Variants in BIRC3 observed in about 807,000 individuals in gnomAD.
The protein encoded by BIRC3 is baculoviral IAP repeat containing 3, also known as baculoviral IAP repeat-containing protein 3.
In BIRC3, 26 loss-of-function variants were observed where a neutral mutation model predicts 59.0. The ratio of observed to expected loss-of-function variants is 0.44; its 90% confidence interval spans 0.32 to 0.61. BIRC3 has a LOEUF of 0.61. Among genes scored for constraint, BIRC3 ranks in the 20% least tolerant of loss-of-function variants. The pLI, the probability that BIRC3 is intolerant of heterozygous loss-of-function variation, is 0.04. For missense variants in BIRC3, 641 were observed against 711.5 expected, an observed-to-expected ratio of 0.90 and a Z score of 1.13; for synonymous variants, 243 against 249.2, an observed-to-expected ratio of 0.98 and a Z score of 0.24.
At chr11:102,317,890 C>T (rs1292003736) in intron 1 of BIRC3, among the ~76,000 whole-genome samples, 2 of 152,264 alleles carry the variant, frequency 1.3e-5, no homozygotes, top group African/African-American at 2.4e-5. Context: ...TTTGCAGGTG[C>T]CAAATAAATT....
At chr11:102,331,269 T>A (rs2135789201) in intron 6 of BIRC3, 28 bp downstream of exon 6, 1 of 1,574,836 alleles carries the variant, frequency 6.3e-7, no homozygotes, top group East Asian at 2.3e-5. Flanking sequence ...TACAGTCTAT[T>A]TTCATAAGGA....
chr11:102,318,776 A>G (rs1323987294), intron 1 of BIRC3, among the ~76,000 whole-genome samples: 1 of 152,182 alleles, frequency 6.6e-6, no homozygotes, highest in East Asian at 1.9e-4. Context: ...GAATCCCAAG[A>G]GCTTGGTATC....
chr11:102,325,066 C>A lies in BIRC3; in HGVS notation c.557C>A (p.Pro186Gln). Residue 186 changes from proline (P) to glutamine (Q), a missense_variant, in exon 2 of 9, where the codon CCA becomes CAA. Coordinates refer to ENST00000263464, the MANE Select transcript of BIRC3 (RefSeq NM_001165.5). ...ACATGGCCATTGACTTTTCTGTCGC[C>A]AACAGATCTGGCAAAAGCAGGCTTT... Reference protein sequence around the residue: ...FQTWPLTFLSPTDLAKAGFYY... With the variant: ...FQTWPLTFLSQTDLAKAGFYY... 8 of 1,614,128 alleles carry A rather than the reference C, an allele frequency of 5.0e-6. No homozygotes were observed. Among genetic ancestry groups the A allele is most frequent in the Non-Finnish European group, 6.8e-6 (8 of 1,180,024 alleles).
At chr11:102,336,275 C>G (rs879848836) in intron 7 of BIRC3, 55 bp downstream of exon 7, 28 of 1,493,924 alleles carry the variant, frequency 1.9e-5, no homozygotes, top group African/African-American at 2.8e-5. Flanking sequence ...AAAATACGCT[C>G]TTATTAATAA....
intron 3 of BIRC3, 114 bp downstream of exon 3, chr11:102,325,679 T>C (rs1441065849): frequency 3.8e-6 from 4 of 1,042,910 alleles, no homozygotes; most frequent in Non-Finnish European, 5.5e-6. Flanking sequence ...TATTTGTGAA[T>C]AAGTTTAGGA....
At position 102,337,471 on chromosome 11, in the gene BIRC3, G is replaced by A. The variant is rs1232408187; in HGVS notation, c.*369G>A. 1 of 396,982 alleles carries A rather than the reference G, an allele frequency of 2.5e-6. No individual in the cohort carries two copies. Among genetic ancestry groups the A allele is most frequent in the Non-Finnish European group, 4.4e-6 (1 of 225,340 alleles). 24.6% of individuals were successfully genotyped at this position (396,982 alleles called of 1,614,324 possible). A position where few individuals can be genotyped will look rare whatever the true frequency, so the allele number is the denominator to read the frequency against. ...CGGGAACATGAAGCCAGGTGTGGTG[G>A]TATGTGCCTGTAGTCCCAGGCTGAG... On this transcript the variant is annotated 3_prime_UTR_variant, in exon 9 of 9. Coordinates refer to ENST00000263464, the MANE Select transcript of BIRC3 (RefSeq NM_001165.5).
rs182073869 is a variant in BIRC3 at position 102,335,793 on chromosome 11, A to G, written c.1325-173A>G. Among the ~76,000 whole-genome samples the G allele has an allele frequency of 1.4e-4, 21 of 152,272 alleles. No homozygotes were observed. In the East Asian group the frequency reaches 3.9e-3, roughly 28 times the overall value. On this transcript the variant is annotated intron_variant, in intron 6 of 8. Coordinates refer to ENST00000263464, the MANE Select transcript of BIRC3 (RefSeq NM_001165.5). ...CACTGCACCCTGGATTATAATTATAATAACATTATTATTAAGCAAAGGAGA... is the reference window on the plus strand; with the variant it reads ...CACTGCACCCTGGATTATAATTATAGTAACATTATTATTAAGCAAAGGAGA...
intron 3 of BIRC3, among the ~76,000 whole-genome samples, chr11:102,325,945 G>A (rs995421366): frequency 2.0e-5 from 3 of 151,976 alleles, no homozygotes; most frequent in African/African-American, 4.8e-5. Flanking sequence ...AGAAATAAAT[G>A]TATATGATAC....
rs1951064210 is a variant in BIRC3, at chr11:102,324,761, A to G, written c.252A>G (p.Glu84=). 2.5e-6 allele frequency: 4 copies of G among 1,614,186 alleles called. No homozygotes were observed. In the South Asian group the frequency reaches 4.4e-5, roughly 18 times the overall value. The change falls in exon 2 of 9, where the codon GAA becomes GAG. Residue 84 remains glutamate, a synonymous_variant. Transcript: ENST00000263464. ...DNWKRGDSPT[E]KHKKLYPSCR... is the part of the protein sequence containing the mutation. ...GGAAAAGAGGAGACAGTCCTACTGA[A>G]AAGCATAAAAAGTTGTATCCTAGCT...
At chr11:102,329,843 G>T (rs909866786) in intron 5 of BIRC3, among the ~76,000 whole-genome samples, 1 of 152,020 alleles carries the variant, frequency 6.6e-6, no homozygotes, top group Non-Finnish European at 1.5e-5. Context: ...GTTAAATGAC[G>T]AGTTAACGGG....
intron 1 of BIRC3, among the ~76,000 whole-genome samples, chr11:102,318,103 T>A: frequency 6.6e-6 from 1 of 152,338 alleles, no homozygotes; most frequent in African/African-American, 2.4e-5. Flanking sequence ...GTAACAATAA[T>A]ATTAAATATT....
intron 4 of BIRC3, 130 bp downstream of exon 4, chr11:102,328,260 C>G: frequency 1.4e-6 from 1 of 712,962 alleles, no homozygotes; most frequent in Non-Finnish European, 2.3e-6. Flanking sequence ...CTTATCAAAC[C>G]TGACATGATT....
At chr11:102,326,047 T>C (rs1951077234) in intron 3 of BIRC3, among the ~76,000 whole-genome samples, 1 of 152,178 alleles carries the variant, frequency 6.6e-6, no homozygotes, top group Non-Finnish European at 1.5e-5. Context: ...TGAAGTTTTT[T>C]CAGTCAACAT....
In BIRC3 at chr11:102,337,320, GAGGT is replaced by G; in HGVS notation, c.*221_*224del. On this transcript the variant is annotated 3_prime_UTR_variant, in exon 9 of 9. Coordinates refer to ENST00000263464, the MANE Select transcript of BIRC3 (RefSeq NM_001165.5). ...GGCTTTTGTTCTTATGAACGAAAAA[GAGGT>G]AGCACTACAAACACAATATTCAATC... 1 of 408,362 alleles carries G rather than the reference GAGGT, an allele frequency of 2.4e-6. No homozygotes were observed. The highest frequency in any genetic ancestry group is 4.3e-6 in the Non-Finnish European group (1 of 233,668). 25.3% of individuals were successfully genotyped at this position (408,362 alleles called of 1,614,324 possible). A position where few individuals can be genotyped will look rare whatever the true frequency, so the allele number is the denominator to read the frequency against.
chr11:102,322,972 C>G lies in BIRC3; in HGVS notation c.-1538C>G, dbSNP rs907347026. ...ATGATAAATTCTGGTTCAAGGTATG[C>G]TATCCATGAAATAATTTCTGACCAA... On this transcript the variant is annotated 5_prime_UTR_variant, in exon 2 of 9. Transcript: ENST00000263464. 5.0e-6 allele frequency: 1 copy of G among 201,048 alleles called. No homozygotes were observed. Among genetic ancestry groups the G allele is most frequent in the Non-Finnish European group, 1.0e-5 (1 of 97,728 alleles). 12.5% of individuals were successfully genotyped at this position (201,048 alleles called of 1,614,324 possible).
chr11:102,325,809 G>A (rs948510860), intron 3 of BIRC3, among the ~76,000 whole-genome samples: 1 of 151,854 alleles, frequency 6.6e-6, no homozygotes, highest in Non-Finnish European at 1.5e-5. Context: ...AATAATACAT[G>A]CTCATTATAA....
chr11:102,331,186 A>C lies in BIRC3; in HGVS notation c.1269A>C (p.Ala423=). 6.2e-7 allele frequency: 1 copy of C among 1,613,690 alleles called. No individual in the cohort carries two copies. ...VNDLVLDLLN[A]EDEIREEERE... is the part of the protein sequence containing the mutation. Reference sequence around the variant, plus strand: ...ATCTTGTGTTAGACTTACTCAATGCAGAAGATGAAATAAGGGAAGAGGAGA... The same window carrying C: ...ATCTTGTGTTAGACTTACTCAATGCCGAAGATGAAATAAGGGAAGAGGAGA... The change falls in exon 6 of 9, where the codon GCA becomes GCC. Residue 423 remains alanine (A), a synonymous_variant. Transcript: ENST00000263464.
At chr11:102,330,929 C>A in intron 5 of BIRC3, 70 bp from the exon 6 acceptor site, 4 of 1,422,964 alleles carry the variant, frequency 2.8e-6, no homozygotes, top group Non-Finnish European at 3.7e-6. Context: ...TTTTTGATTT[C>A]ATTTCAAATT....
rs769829021 is a variant in BIRC3, at chr11:102,339,184, T to C, written c.*2082T>C. The C allele has an allele frequency of 2.5e-5, 5 of 197,664 alleles. No individual in the cohort carries two copies. The highest frequency in any genetic ancestry group is 5.1e-5 in the Non-Finnish European group (5 of 98,176). 12.2% of individuals were successfully genotyped at this position (197,664 alleles called of 1,614,324 possible). ...GTAACTCAGGTATAGGGTATTTAAA[T>C]AGTAGGCACCCTTTTTGCACCATGT... On this transcript the variant is annotated 3_prime_UTR_variant, in exon 9 of 9. Coordinates refer to ENST00000263464, the MANE Select transcript of BIRC3 (RefSeq NM_001165.5).
Sources: allele counts gnomAD v4.1 joint callset (sites outside exome capture counted in the v4.1 genomes callset), GRCh38; gene constraint gnomAD v4.1.1; transcripts MANE v1.5; gene names NCBI Gene and HGNC (gene_info 2026-07-23, HGNC 2026-07-21).